The following ARHGAP28 variants were observed in gnomAD, a reference collection of about 807,000 sequenced individuals.
ARHGAP28 encodes the protein Rho GTPase activating protein 28, also known as rho GTPase-activating protein 28.
A neutral mutation model predicts 90.7 loss-of-function variants in ARHGAP28; 56 were observed. The observed-to-expected ratio is 0.62, with a 90% confidence interval of 0.50 to 0.77. The LOEUF (loss-of-function observed/expected upper bound fraction) is 0.77, where lower values mean the gene tolerates loss of function less well. ARHGAP28 is among the 30% of genes least tolerant of loss of function. The pLI, the probability that ARHGAP28 is intolerant of heterozygous loss-of-function variation, is 0.00. For synonymous variants in ARHGAP28, 308 were observed against 323.3 expected (o/e 0.95, Z 0.51); for missense variants, 869 against 900.9 (o/e 0.96, Z 0.45).
chr18:6,759,576 G>T (rs949688829), intron 1 of ARHGAP28, among the ~76,000 whole-genome samples: 2 of 152,142 alleles, frequency 1.3e-5, no homozygotes, highest in Admixed American at 1.3e-4. Context: ...TTTAAAATAC[G>T]CTGGATATGC....
intron 1 of ARHGAP28, among the ~76,000 whole-genome samples, chr18:6,810,548 A>G (rs1389950058): frequency 6.6e-6 from 1 of 151,878 alleles, no homozygotes; most frequent in African/African-American, 2.4e-5. Flanking sequence ...GCCCCCCTTG[A>G]CCTTCCAATA....
Position 6,797,677 on chromosome 18 carries a change from T to C in ARHGAP28, c.123-27085T>C, listed in dbSNP as rs374699570. On this transcript the variant is annotated intron_variant, in intron 1 of 17. Transcript: ENST00000383472. ...TTTTTAGAAACGCTTTTTTTTTTTTTTTAAGTCGCAGTCTCACTCTGTCAC... is the reference window on the plus strand; with the variant it reads ...TTTTTAGAAACGCTTTTTTTTTTTTCTTAAGTCGCAGTCTCACTCTGTCAC... 3.6e-4 allele frequency among the ~76,000 whole-genome samples: 55 copies of C among 152,222 alleles called. No homozygotes were observed. In the East Asian group the frequency reaches 8.1e-3, roughly 22 times the overall value.
At chr18:6,730,314 A>C (rs1029549789) in intron 1 of ARHGAP28, among the ~76,000 whole-genome samples, 5 of 151,796 alleles carry the variant, frequency 3.3e-5, no homozygotes, top group Non-Finnish European at 5.9e-5. Flanking sequence ...GCAGCACATG[A>C]AAAGAAAACA....
chr18:6,890,569 A>C (rs2057257841), intron 14 of ARHGAP28, 26 bp downstream of exon 14: 2 of 1,444,988 alleles, frequency 1.4e-6, no homozygotes, highest in African/African-American at 2.8e-5. Context: ...AGGCATGGCG[A>C]TTGTCCACTG....
At chr18:6,869,774 A>G (rs1415186333) in intron 6 of ARHGAP28, among the ~76,000 whole-genome samples, 2 of 152,186 alleles carry the variant, frequency 1.3e-5, no homozygotes, top group Non-Finnish European at 2.9e-5. Flanking sequence ...GCAAAAGAGA[A>G]TGAGTTCTTT....
intron 11 of ARHGAP28, among the ~76,000 whole-genome samples, chr18:6,886,691 A>G (rs1272605213): frequency 6.6e-6 from 1 of 152,246 alleles, no homozygotes; most frequent in Non-Finnish European, 1.5e-5. Flanking sequence ...TAGATGCAAC[A>G]GGGATTAAAT....
rs1404187134 is a variant in ARHGAP28 at position 6,914,773 on chromosome 18, G to A, written c.*2619G>A. 1 of 152,206 alleles carries A rather than the reference G, an allele frequency of 6.6e-6. No homozygotes were observed. Among genetic ancestry groups the A allele is most frequent in the East Asian group, 1.9e-4 (1 of 5,192 alleles). 9.4% of individuals were successfully genotyped at this position (152,206 alleles called of 1,614,324 possible). On this transcript the variant is annotated 3_prime_UTR_variant, in exon 18 of 18. Transcript: ENST00000383472. ...GTCCTCCAGGAGAAAGTGTTAGAGG[G>A]AACTAACATTTTAGGAATGCTTATT...
At chr18:6,809,647 A>C (rs2056542629) in intron 1 of ARHGAP28, among the ~76,000 whole-genome samples, 1 of 152,126 alleles carries the variant, frequency 6.6e-6, no homozygotes, top group South Asian at 2.1e-4. Flanking sequence ...CAACAACCAG[A>C]TCTTATTAGA....
In ARHGAP28 at chr18:6,896,613, C is replaced by G. The variant is rs1189536290; in HGVS notation, c.2017C>G (p.Gln673Glu). Reference sequence around the variant, plus strand: ...AGCCAAAGACATATTGGCAAAATTTCAATATGAAAACAGGTGAGTCAATGT... The same window carrying G: ...AGCCAAAGACATATTGGCAAAATTTGAATATGAAAACAGGTGAGTCAATGT... ...TKAKDILAKF[Q>E]YENSHGSSEC... Residue 673 changes from glutamine (Q) to glutamate (E), a missense_variant, in exon 16 of 18, where the codon CAA becomes GAA. By Grantham distance (29) the Gln-to-Glu change is conservative. Transcript: ENST00000383472. 6.2e-7 allele frequency: 1 copy of G among 1,613,978 alleles called. No homozygotes were observed. The highest frequency in any genetic ancestry group is 1.7e-5 in the Admixed American group (1 of 60,014).
chr18:6,819,911 C>G (rs1211245216), intron 1 of ARHGAP28, among the ~76,000 whole-genome samples: 2 of 152,198 alleles, frequency 1.3e-5, no homozygotes, highest in Admixed American at 6.5e-5. Flanking sequence ...GCCTCTCACT[C>G]TATCTACCAA....
intron 11 of ARHGAP28, among the ~76,000 whole-genome samples, chr18:6,884,376 A>C (rs1286427676): frequency 1.3e-5 from 2 of 152,180 alleles, no homozygotes; most frequent in Non-Finnish European, 2.9e-5. Flanking sequence ...TCTGTCTCAA[A>C]AAAGAAAAAA....
intron 5 of ARHGAP28, among the ~76,000 whole-genome samples, chr18:6,865,802 G>A (rs2057033932): frequency 1.3e-5 from 2 of 152,038 alleles, no homozygotes; most frequent in Non-Finnish European, 2.9e-5. Context: ...ATCCTAGCTT[G>A]GTGTAACTAG....
At chr18:6,898,591 T>C (rs1392979451) in intron 16 of ARHGAP28, 2 of 1,597,508 alleles carry the variant, frequency 1.3e-6, no homozygotes, top group East Asian at 2.2e-5. Context: ...ATATAGAGAC[T>C]TGAAATATCA....
chr18:6,743,046 T>A (rs570690576), intron 1 of ARHGAP28, among the ~76,000 whole-genome samples: 1 of 152,162 alleles, frequency 6.6e-6, no homozygotes, highest in South Asian at 2.1e-4. Flanking sequence ...TGAAGAGTGA[T>A]GATGAGATAA....
At chr18:6,845,473 A>G (rs1012738105) in intron 3 of ARHGAP28, among the ~76,000 whole-genome samples, 68 of 152,086 alleles carry the variant, frequency 4.5e-4, no homozygotes, top group Admixed American at 2.6e-4. Flanking sequence ...CAGGTTTGTT[A>G]CCTAGGTAAA....
At chr18:6,789,601 A>G (rs1478183721) in intron 1 of ARHGAP28, 1 of 152,054 alleles carries the variant, frequency 6.6e-6, no homozygotes, top group Non-Finnish European at 1.5e-5. Flanking sequence ...CAGCTAATCT[A>G]TATTTCTTTC....
At chr18:6,875,266 C>T (rs1168861756) in intron 9 of ARHGAP28, among the ~76,000 whole-genome samples, 1 of 152,214 alleles carries the variant, frequency 6.6e-6, no homozygotes, top group African/African-American at 2.4e-5. Context: ...CTCGCTACGA[C>T]ACCTCAAGAT....
At chr18:6,858,565 C>T (rs1416637056) in intron 4 of ARHGAP28, among the ~76,000 whole-genome samples, 1 of 148,424 alleles carries the variant, frequency 6.7e-6, no homozygotes, top group East Asian at 2.0e-4. Flanking sequence ...TTTTTTGAGA[C>T]AGAGTTTTGC....
chr18:6,885,944 C>A (rs754561845), intron 11 of ARHGAP28, among the ~76,000 whole-genome samples: 5 of 152,088 alleles, frequency 3.3e-5, no homozygotes, highest in Non-Finnish European at 7.3e-5. Flanking sequence ...GGCAAGCTCA[C>A]AGCAATGTGT....
Sources: allele counts gnomAD v4.1 joint callset (sites outside exome capture counted in the v4.1 genomes callset), GRCh38; gene constraint gnomAD v4.1.1; transcripts MANE v1.5; gene names NCBI Gene and HGNC (gene_info 2026-07-23, HGNC 2026-07-21).